Variants in VSTM2L observed in about 807,000 individuals in gnomAD.
VSTM2L encodes V-set and transmembrane domain containing 2 like.
Under a neutral mutation model 19.9 loss-of-function variants are expected in VSTM2L, and 9 were observed. That is an observed-to-expected ratio of 0.45 (90% confidence interval 0.27 to 0.79). The LOEUF (loss-of-function observed/expected upper bound fraction) is 0.79. Ranked by LOEUF, VSTM2L falls within the 30% of genes least tolerant of loss-of-function variation. VSTM2L has a pLI of 0.15. For missense variants in VSTM2L, 286 were observed against 295.5 expected (o/e 0.97, Z 0.24); for synonymous variants, 127 against 133.8 (o/e 0.95, Z 0.35).
intron 1 of VSTM2L, among the ~76,000 whole-genome samples, chr20:37,904,618 C>A (rs1309024244): frequency 2.0e-5 from 3 of 152,228 alleles, no homozygotes; most frequent in Non-Finnish European, 4.4e-5. Flanking sequence ...AGGCTGACAG[C>A]CTTGTTGGGG....
At chr20:37,905,182 C>T (rs149364071) in intron 1 of VSTM2L, among the ~76,000 whole-genome samples, 1,610 of 152,282 alleles carry the variant, frequency 0.011, 12 homozygotes, top group Non-Finnish European at 0.015. Context: ...CTCTCCACCC[C>T]TCCTCTCCTC....
At chr20:37,942,969 T>G (rs2072981522) in intron 3 of VSTM2L, among the ~76,000 whole-genome samples, 2 of 152,240 alleles carry the variant, frequency 1.3e-5, no homozygotes, top group Admixed American at 6.5e-5. Flanking sequence ...TTTATTTTAT[T>G]TATTTATTTT....
chr20:37,926,600 A>G (rs1198751259), intron 1 of VSTM2L, among the ~76,000 whole-genome samples: 2 of 152,346 alleles, frequency 1.3e-5, no homozygotes, highest in East Asian at 1.9e-4. Context: ...GGTTTTGACC[A>G]TTACTTTTCA....
At chr20:37,936,376 T>C (rs2072940531) in intron 3 of VSTM2L, among the ~76,000 whole-genome samples, 1 of 152,184 alleles carries the variant, frequency 6.6e-6, no homozygotes, top group Non-Finnish European at 1.5e-5. Flanking sequence ...GTGGAATGTC[T>C]CCTGAGTCTT....
At chr20:37,943,555 G>A (rs947556816) in intron 3 of VSTM2L, among the ~76,000 whole-genome samples, 11 of 151,836 alleles carry the variant, frequency 7.2e-5, no homozygotes, top group African/African-American at 2.7e-4. Flanking sequence ...CTGTGAGGAG[G>A]CCCCGTTGTT....
chr20:37,924,269 A>G (rs1010748239), intron 1 of VSTM2L, among the ~76,000 whole-genome samples: 5 of 151,686 alleles, frequency 3.3e-5, no homozygotes, highest in African/African-American at 1.2e-4. Flanking sequence ...ATAAATAAAC[A>G]TGGCCAGGCG....
chr20:37,903,622 A>ACCCTGGCC, intron 1 of VSTM2L, 151 bp downstream of exon 1: 1 of 1,220,402 alleles, frequency 8.2e-7, no homozygotes, highest in Non-Finnish European at 1.1e-6. Context: ...CCGCCCTGGC[A>ACCCTGGCC]CCCTGGCCCT....
At chr20:37,930,381 C>A (rs1600570684) in intron 1 of VSTM2L, among the ~76,000 whole-genome samples, 1 of 152,182 alleles carries the variant, frequency 6.6e-6, no homozygotes, top group South Asian at 2.1e-4. Flanking sequence ...GTGGTGAGGA[C>A]TCCCGGGGCT....
In VSTM2L at chr20:37,945,227, G is replaced by A. The variant is rs12662; in HGVS notation, c.*974G>A. 203,243 of 985,188 alleles carry A rather than the reference G, an allele frequency of 0.21. 21,399 individuals carry two copies. The highest frequency in any genetic ancestry group is 0.28 in the South Asian group (6,026 of 21,280). 61.0% of individuals were successfully genotyped at this position (985,188 alleles called of 1,614,324 possible). A position where few individuals can be genotyped will look rare whatever the true frequency, so the allele number is the denominator to read the frequency against. On this transcript the variant is annotated 3_prime_UTR_variant, in exon 4 of 4. Transcript: ENST00000373461. ...GAATTGGCTGGCACCTCTGGCTGCC[G>A]CAGCTCAGTGATGACGTGGGGGAGG...
chr20:37,944,042 C>T lies in VSTM2L; in HGVS notation c.404C>T (p.Thr135Met), dbSNP rs769946306. 80 of 1,609,974 alleles carry T rather than the reference C, an allele frequency of 5.0e-5. No homozygotes were observed. The highest frequency in any genetic ancestry group is 8.4e-5 in the Admixed American group (5 of 59,854). ...HKLRLSRVKP[T>M]DEGTYECRVI... ...CTGCGCCTGTCCCGGGTGAAGCCCA[C>T]GGACGAAGGCACCTACGAGTGCCGC... The change falls in exon 4 of 4, where the codon ACG (threonine) becomes ATG (methionine). Residue 135 changes from threonine (T) to methionine (M), a missense_variant. Physicochemically the swap from Thr to Met is moderately conservative, Grantham distance 81. Coordinates refer to ENST00000373461, the MANE Select transcript of VSTM2L (RefSeq NM_080607.3).
intron 1 of VSTM2L, among the ~76,000 whole-genome samples, chr20:37,915,740 C>T (rs2072814737): frequency 6.6e-6 from 1 of 151,362 alleles, no homozygotes; most frequent in African/African-American, 2.4e-5. Flanking sequence ...GGGGCTGGGG[C>T]TGGGGCATGT....
intron 1 of VSTM2L, among the ~76,000 whole-genome samples, chr20:37,912,185 C>T (rs2072784008): frequency 1.3e-5 from 2 of 152,224 alleles, no homozygotes; most frequent in Admixed American, 1.3e-4. Context: ...GGCTTGAGCC[C>T]AGCTTGTGGG....
intron 2 of VSTM2L, among the ~76,000 whole-genome samples, chr20:37,932,701 C>T (rs1391643920): frequency 6.6e-6 from 1 of 152,136 alleles, no homozygotes; most frequent in African/African-American, 2.4e-5. Flanking sequence ...ACTTGTGTTT[C>T]CTGGGATCAC....
intron 1 of VSTM2L, among the ~76,000 whole-genome samples, chr20:37,907,599 A>G (rs1446485136): frequency 6.6e-6 from 1 of 151,796 alleles, no homozygotes; most frequent in Non-Finnish European, 1.5e-5. Context: ...CCCTGAGAGG[A>G]GCTCCAAGAA....
intron 1 of VSTM2L, among the ~76,000 whole-genome samples, chr20:37,921,457 T>C (rs1317930425): frequency 6.6e-6 from 1 of 152,184 alleles, no homozygotes; most frequent in Admixed American, 6.5e-5. Context: ...ATCCTTCCCC[T>C]GCCTGCCACC....
chr20:37,910,031 C>CT lies in VSTM2L; in HGVS notation c.121+6562dup, dbSNP rs2072771131. ...AGGGCGTCCCTGGGACTCAGCTCCACTTCACCCCCAGTTTCAACCCTCTTC... is the reference window on the plus strand; with the variant it reads ...AGGGCGTCCCTGGGACTCAGCTCCACTTTCACCCCCAGTTTCAACCCTCTTC... On this transcript the variant is annotated intron_variant, in intron 1 of 3. Transcript: ENST00000373461. Among the ~76,000 whole-genome samples, 3 of 152,326 alleles carry CT rather than the reference C, an allele frequency of 2.0e-5. No individual in the cohort carries two copies. In the South Asian group the frequency reaches 6.2e-4, roughly 32 times the overall value.
intron 1 of VSTM2L, among the ~76,000 whole-genome samples, chr20:37,912,688 A>G (rs988919000): frequency 2.0e-5 from 3 of 152,036 alleles, no homozygotes; most frequent in African/African-American, 7.2e-5. Flanking sequence ...GAGCATCTGG[A>G]AGGTTAGAGC....
At chr20:37,924,230 G>T (rs2072867599) in intron 1 of VSTM2L, among the ~76,000 whole-genome samples, 1 of 152,162 alleles carries the variant, frequency 6.6e-6, no homozygotes. Context: ...CTCCAGCCTG[G>T]ATGACAGAGT....
Position 37,944,281 on chromosome 20 carries a change from C to A in VSTM2L, c.*28C>A. 6.8e-7 allele frequency: 1 copy of A among 1,464,096 alleles called. No individual in the cohort carries two copies. Among genetic ancestry groups the A allele is most frequent in the Non-Finnish European group, 9.1e-7 (1 of 1,100,784 alleles). 90.7% of individuals were successfully genotyped at this position (1,464,096 alleles called of 1,614,324 possible). On this transcript the variant is annotated 3_prime_UTR_variant, in exon 4 of 4. Transcript: ENST00000373461. The stretch of plus-strand genomic sequence containing the variant: ...TGATGCCCCTGCCCCCGCCCATCCG[C>A]CCCCACGCTGTACAGAGTGCATGAG...
Sources: gnomAD v4.1 joint callset for allele counts (sites outside exome capture counted in the v4.1 genomes callset) on GRCh38, gnomAD v4.1.1 for gene constraint, MANE v1.5 for transcripts, NCBI Gene and HGNC (gene_info 2026-07-23, HGNC 2026-07-21) for gene names.